Variants in ZNF236 observed in about 807,000 individuals in gnomAD.
ZNF236 encodes the protein zinc finger protein 236.
A neutral mutation model predicts 191.2 loss-of-function variants in ZNF236; 50 were observed. The ratio of observed to expected loss-of-function variants is 0.26; its 90% CI spans 0.21 to 0.33. ZNF236 has a LOEUF of 0.33. Among genes scored for constraint, ZNF236 ranks in the 10% least tolerant of loss-of-function variants. The pLI, the probability that ZNF236 is intolerant of heterozygous loss-of-function variation, is 1.00. For missense variants in ZNF236, 1,754 were observed against 2,374.5 expected (o/e 0.74, Z 5.43); for synonymous variants, 907 against 928.8 (o/e 0.98, Z 0.43).
intron 1 of ZNF236, chr18:76,824,181 G>T: frequency 1.6e-6 from 1 of 641,604 alleles, no homozygotes; most frequent in Non-Finnish European, 2.8e-6. Context: ...ACAAAGGATT[G>T]TGTTAATTTT....
Position 76,824,070 on chromosome 18 carries a change from CAA to C in ZNF236, c.55+1409_55+1410del, listed in dbSNP as rs984799811. On this transcript the variant is annotated intron_variant, in intron 1 of 30. Transcript: ENST00000320610. ...TATTTAACTGTTTAGCTTAGTGACT[CAA>C]GTGTTCCCCTTTTCTTGGGGATGAG... is the stretch of plus-strand genomic sequence containing the variant. 238 of 511,198 alleles carry C rather than the reference CAA, an allele frequency of 4.7e-4. 2 individuals carry two copies. In the South Asian group the frequency reaches 4.8e-3, roughly 10 times the overall value. 31.7% of individuals were successfully genotyped at this position (511,198 alleles called of 1,614,324 possible).
chr18:76,878,174 A>G lies in ZNF236; in HGVS notation c.984+22A>G, dbSNP rs754573989. 9.5e-6 allele frequency: 15 copies of G among 1,577,344 alleles called. No individual in the cohort carries two copies. In the African/African-American group the frequency reaches 2.0e-4, roughly 21 times the overall value. Reference sequence around the variant, plus strand: ...AACGGTAAGTTTAGTAATTTGGAAGAACTTCTTTTTAAACTAAAATCTGTC... The same window carrying G: ...AACGGTAAGTTTAGTAATTTGGAAGGACTTCTTTTTAAACTAAAATCTGTC... On this transcript the variant is annotated intron_variant, in intron 7 of 30. Transcript: ENST00000320610.
chr18:76,922,921 A>G lies in ZNF236; in HGVS notation c.3558-150A>G, dbSNP rs1967578779. ...TTTTCGTTGTTATTTGGATTTGTTT[A>G]TGGTATTTTTTGTATGGAGTGAAGC... On this transcript the variant is annotated intron_variant, in intron 20 of 30. Transcript: ENST00000320610. The G allele has an allele frequency of 6.4e-6, 4 of 620,934 alleles. No individual in the cohort carries two copies. The East Asian group carries it at 8.7e-5, about 13-fold the overall frequency. The allele number at this position is 620,934 out of a possible 1,614,324, so 38.5% of individuals were successfully genotyped here.
At chr18:76,951,917 A>G (rs1035849149) in intron 27 of ZNF236, among the ~76,000 whole-genome samples, 7 of 152,206 alleles carry the variant, frequency 4.6e-5, no homozygotes, top group African/African-American at 1.7e-4. Context: ...GGGAGGCCCA[A>G]GGAGAGGTGG....
intron 5 of ZNF236, among the ~76,000 whole-genome samples, chr18:76,874,200 C>T (rs1002955444): frequency 3.9e-5 from 6 of 152,206 alleles, no homozygotes; most frequent in African/African-American, 7.2e-5. Flanking sequence ...TTGCCCCCTC[C>T]GAGTTAAAGC....
chr18:76,923,228 T>A, intron 21 of ZNF236, 54 bp downstream of exon 21: 1 of 1,241,716 alleles, frequency 8.1e-7, no homozygotes, highest in Non-Finnish European at 1.2e-6. Flanking sequence ...GCATTTCGTA[T>A]GTTTTGTTCC....
At chr18:76,852,091 T>A (rs2122517451) in intron 3 of ZNF236, 152 bp downstream of exon 3, 1 of 739,200 alleles carries the variant, frequency 1.4e-6, no homozygotes, top group East Asian at 2.8e-5. Context: ...TTGACACCAG[T>A]TGACTGATAA....
intron 10 of ZNF236, among the ~76,000 whole-genome samples, chr18:76,898,364 C>T (rs113199131): frequency 0.012 from 1,843 of 152,300 alleles, 26 homozygotes; most frequent in African/African-American, 0.041. Context: ...CCCCAAATTC[C>T]CTCAGGGATC....
At chr18:76,868,271 T>G (rs571892524) in intron 3 of ZNF236, among the ~76,000 whole-genome samples, 3 of 152,296 alleles carry the variant, frequency 2.0e-5, no homozygotes, top group Admixed American at 1.3e-4. Context: ...GGCATTTTGT[T>G]TCAAGGTCGT....
At chr18:76,876,721 G>A (rs1416091843) in intron 6 of ZNF236, among the ~76,000 whole-genome samples, 1 of 152,198 alleles carries the variant, frequency 6.6e-6, no homozygotes, top group Non-Finnish European at 1.5e-5. Flanking sequence ...TTGGGCTGTT[G>A]TAAGTCATTC....
Position 76,897,664 on chromosome 18 carries a change from C to A in ZNF236, c.1691-1355C>A, listed in dbSNP as rs562333598. 3.9e-5 allele frequency among the ~76,000 whole-genome samples: 6 copies of A among 151,960 alleles called. No homozygotes were observed. The South Asian group carries it at 1.2e-3, about 32-fold the overall frequency. The stretch of plus-strand genomic sequence containing the variant: ...CTGTACATAGGCACTGCCCATAGTA[C>A]CAAACACAGTACTGCACACAAGTAC... On this transcript the variant is annotated intron_variant, in intron 10 of 30. Coordinates refer to ENST00000320610, the MANE Select transcript of ZNF236 (RefSeq NM_001306089.2).
chr18:76,949,661 CT>C (rs779360324), intron 27 of ZNF236, among the ~76,000 whole-genome samples: 367 of 141,612 alleles, frequency 2.6e-3, no homozygotes, highest in Middle Eastern at 7.4e-3. Context: ...CATTATTTCT[CT>C]TTTTTTTTTT....
In ZNF236 at chr18:76,972,420, C is replaced by A. The variant is rs1029879524; in HGVS notation, c.*4081C>A. Among the ~76,000 whole-genome samples the A allele has an allele frequency of 6.6e-6, 1 of 152,060 alleles. No individual in the cohort carries two copies. Among genetic ancestry groups the A allele is most frequent in the Non-Finnish European group, 1.5e-5 (1 of 68,020 alleles). Reference sequence around the variant, plus strand: ...CATGCACGGATGAGCACATAGCTCACCCTCACCCTCACACACTCACCCACA... The same window carrying A: ...CATGCACGGATGAGCACATAGCTCAACCTCACCCTCACACACTCACCCACA... On this transcript the variant is annotated 3_prime_UTR_variant, in exon 31 of 31. Coordinates refer to ENST00000320610, the MANE Select transcript of ZNF236 (RefSeq NM_001306089.2).
intron 15 of ZNF236, 116 bp downstream of exon 15, chr18:76,910,285 C>G: frequency 2.3e-6 from 2 of 888,600 alleles, no homozygotes; most frequent in Non-Finnish European, 3.3e-6. Flanking sequence ...TGGTTTCAAA[C>G]CAAATAACTT....
chr18:76,871,296 G>T (rs1425570325), intron 4 of ZNF236, among the ~76,000 whole-genome samples: 1 of 152,180 alleles, frequency 6.6e-6, no homozygotes, highest in African/African-American at 2.4e-5. Flanking sequence ...GTTGCTGGAG[G>T]TAGGAGTTTG....
chr18:76,928,143 G>A (rs751510857), intron 25 of ZNF236, 37 bp downstream of exon 25: 2 of 1,544,842 alleles, frequency 1.3e-6, no homozygotes, highest in South Asian at 1.2e-5. Context: ...TTTTCACCCT[G>A]CAATTTAAGT....
In ZNF236 at chr18:76,937,345, C is replaced by G. The variant is rs1229307265; in HGVS notation, c.4782+2C>G. 6.2e-7 allele frequency: 1 copy of G among 1,602,876 alleles called. No homozygotes were observed. Among genetic ancestry groups the G allele is most frequent in the Non-Finnish European group, 8.5e-7 (1 of 1,171,912 alleles). On this transcript the variant is annotated splice_donor_variant, in intron 26 of 30. Transcript: ENST00000320610. LOFTEE classifies it high-confidence loss of function. ...GTCACACTCAACATCACCTCTCAGG[C>G]AAGTGCTCCTCAGAGAGGGATGCGA...
Position 76,968,739 on chromosome 18 carries a change from G to T in ZNF236, c.*400G>T. The T allele has an allele frequency of 1.0e-6, 1 of 998,996 alleles. No homozygotes were observed. Among genetic ancestry groups the T allele is most frequent in the South Asian group, 4.4e-5 (1 of 22,938 alleles). The allele number at this position is 998,996 out of a possible 1,614,324, so 61.9% of individuals were successfully genotyped here. ...TTTTCCTTCATGTTTCTGGTTATAA[G>T]AAGCATAGCTTACAAAGCAAGCGTA... is the stretch of plus-strand genomic sequence containing the variant. On this transcript the variant is annotated 3_prime_UTR_variant, in exon 31 of 31. Coordinates refer to ENST00000320610, the MANE Select transcript of ZNF236 (RefSeq NM_001306089.2).
At chr18:76,916,173 A>G (rs988697135) in intron 19 of ZNF236, among the ~76,000 whole-genome samples, 2 of 152,180 alleles carry the variant, frequency 1.3e-5, no homozygotes, top group Non-Finnish European at 2.9e-5. Context: ...TTTAACAAAT[A>G]TGGTATCTTG....
Sources: allele counts gnomAD v4.1 joint callset (sites outside exome capture counted in the v4.1 genomes callset), GRCh38; gene constraint gnomAD v4.1.1; transcripts MANE v1.5; gene names NCBI Gene and HGNC (gene_info 2026-07-23, HGNC 2026-07-21).